SIGMAR1: variants seen among roughly 807,000 people sequenced by gnomAD.
SIGMAR1 encodes the protein sigma non-opioid intracellular receptor 1.
Under a neutral mutation model 25.4 loss-of-function variants are expected in SIGMAR1, and 18 were observed. The observed-to-expected ratio is 0.71, with a 90% CI of 0.49 to 1.05. The LOEUF is 1.05. SIGMAR1 is among the 50% of genes least tolerant of loss of function. The pLI is 0.00. For synonymous variants in SIGMAR1, 125 were observed against 131.6 expected, an observed-to-expected ratio of 0.95 and a Z score of 0.34; for missense variants, 249 against 301.6, an observed-to-expected ratio of 0.83 and a Z score of 1.29.
At position 34,635,701 on chromosome 9, in the gene SIGMAR1, A is replaced by G. The variant is rs572117630; in HGVS notation, c.603T>C (p.Tyr201=). ...GGCCCCGAGCATAGGAGCGAAGAGT[A>G]TAGAAGAGGGTGAGGAAGTCCTGGG... ...FSTQDFLTLF[Y]TLRSYARGLR... Residue 201 remains tyrosine, a synonymous_variant, in exon 4 of 4, where the codon TAT becomes TAC. Coordinates refer to ENST00000277010, the MANE Select transcript of SIGMAR1 (RefSeq NM_005866.4). This position sits in a 1 kb window ranked among gnomAD's most constrained non-coding sequence, Gnocchi z 4.5. 5.6e-6 allele frequency: 9 copies of G among 1,614,254 alleles called. No homozygotes were observed. Among genetic ancestry groups the G allele is most frequent in the Admixed American group, 3.3e-5 (2 of 60,032 alleles).
Position 34,637,268 on chromosome 9 carries a change from C to T in SIGMAR1, c.304G>A (p.Glu102Lys), listed in dbSNP as rs387906829. Residue 102 changes from glutamate to lysine, a missense_variant, in exon 2 of 4, where the codon GAG becomes AAG. By Grantham distance (56) the Glu-to-Lys change is moderately conservative. Transcript: ENST00000277010. ...GCGGTGCCGAAGAGCAGCACATACT[C>T]GGACAGCGAGGCGTGCAGAAGGCAC... ...AMCLLHASLSEYVLLFGTALG... is the reference protein window; with the variant it reads ...AMCLLHASLSKYVLLFGTALG... 6 of 1,572,168 alleles carry T rather than the reference C, an allele frequency of 3.8e-6. No individual in the cohort carries two copies. The highest frequency in any genetic ancestry group is 1.3e-5 in the African/African-American group (1 of 74,298).
chr9:34,637,642 G>C lies in SIGMAR1; in HGVS notation c.56C>G (p.Ala19Gly), dbSNP rs867197011. The C allele has an allele frequency of 6.5e-7, 1 of 1,538,008 alleles. No individual in the cohort carries two copies. The change falls in exon 1 of 4, where the codon GCA (alanine) becomes GGA (glycine). Residue 19 changes from alanine to glycine, a missense_variant. Ala to Gly is a moderately conservative substitution (Grantham distance 60). Transcript: ENST00000277010. ...WAWAALLLAVAAVLTQVVWLW... is the reference protein window; with the variant it reads ...WAWAALLLAVGAVLTQVVWLW... ...CCAGACGACCTGGGTCAGCACCGCT[G>C]CGACAGCCAGGAGCAGCGCGGCCCA... is the stretch of plus-strand genomic sequence containing the variant.
intron 1 of SIGMAR1, 41 bp downstream of exon 1, chr9:34,637,506 C>G: frequency 6.3e-7 from 1 of 1,580,404 alleles, no homozygotes; most frequent in Non-Finnish European, 8.6e-7. Context: ...AGGCTCCGCT[C>G]CCAGGCCGGC....
At position 34,637,573 on chromosome 9, in the gene SIGMAR1, A is replaced by G; in HGVS notation, c.125T>C (p.Ile42Thr). Residue 42 changes from isoleucine (I) to threonine (T), a missense_variant, in exon 1 of 4, where the codon ATA (isoleucine) becomes ACA (threonine). Coordinates refer to ENST00000277010, the MANE Select transcript of SIGMAR1 (RefSeq NM_005866.4). ...TQSFVFQREE[I>T]AQLARQYAGL... Reference sequence around the variant, plus strand: ...AGCGTACTGCCGCGCCAACTGCGCTATCTCTTCGCGCTGGAAGACGAAGCT... The same window carrying G: ...AGCGTACTGCCGCGCCAACTGCGCTGTCTCTTCGCGCTGGAAGACGAAGCT... 1 of 1,578,602 alleles carries G rather than the reference A, an allele frequency of 6.3e-7. No homozygotes were observed. The highest frequency in any genetic ancestry group is 8.6e-7 in the Non-Finnish European group (1 of 1,166,674).
Position 34,635,606 on chromosome 9 carries a change from G to C in SIGMAR1, c.*26C>G. The C allele has an allele frequency of 6.2e-7, 1 of 1,613,840 alleles. No individual in the cohort carries two copies. On this transcript the variant is annotated 3_prime_UTR_variant, in exon 4 of 4. Transcript: ENST00000277010. This position sits in a 1 kb window ranked among gnomAD's most constrained non-coding sequence, Gnocchi z 4.5. ...CGGGCCTGCCCGCTCCTGTCTATCC[G>C]CAGGTCTTCCTTCAGGCCTGGCTGG...
Position 34,635,952 on chromosome 9 carries a change from G to T in SIGMAR1, c.446-94C>A. 1 of 1,559,458 alleles carries T rather than the reference G, an allele frequency of 6.4e-7. No homozygotes were observed. ...GGCCCATGGACTAACTAGGGGTGGGGAATGGAGAGGGAGCTTCAGAAAAAC... is the reference window on the plus strand; with the variant it reads ...GGCCCATGGACTAACTAGGGGTGGGTAATGGAGAGGGAGCTTCAGAAAAAC... On this transcript the variant is annotated intron_variant, in intron 3 of 3. Coordinates refer to ENST00000277010, the MANE Select transcript of SIGMAR1 (RefSeq NM_005866.4). The surrounding 1 kb of genome is among the most constrained non-coding windows in gnomAD (Gnocchi z 4.5).
chr9:34,636,055 C>T (rs756152087), intron 3 of SIGMAR1, among the ~76,000 whole-genome samples, 197 bp from the exon 4 acceptor site: 5 of 152,182 alleles, frequency 3.3e-5, no homozygotes, highest in Non-Finnish European at 5.9e-5. Flanking sequence ...CACGTCCTCT[C>T]TTTGGAGAAG....
At chr9:34,636,584 G>A (rs1465654696) in intron 3 of SIGMAR1, among the ~76,000 whole-genome samples, 1 of 152,162 alleles carries the variant, frequency 6.6e-6, no homozygotes, top group African/African-American at 2.4e-5. Flanking sequence ...GCAGTGAGCC[G>A]AGATCGCGCC....
At chr9:34,637,180 C>T (rs1273377059) in intron 2 of SIGMAR1, 40 bp downstream of exon 2, 3 of 1,558,142 alleles carry the variant, frequency 1.9e-6, no homozygotes, top group Non-Finnish European at 2.6e-6. Flanking sequence ...GGCCCCTTTA[C>T]AACCCCAGCC....
intron 3 of SIGMAR1, chr9:34,636,682 T>G: frequency 2.1e-6 from 1 of 468,674 alleles, no homozygotes; most frequent in Non-Finnish European, 4.0e-6. Flanking sequence ...TCTTTTGGGG[T>G]ATTGAGAGCA....
Position 34,637,771 on chromosome 9 carries a change from G to T in SIGMAR1, c.-74C>A. On this transcript the variant is annotated 5_prime_UTR_variant, in exon 1 of 4. Transcript: ENST00000277010. ...GAGGCTTTGCGCTCACGGCCTCGGAGCCCGCCGGCTGCCCACGAAGCGCTC... is the reference window on the plus strand; with the variant it reads ...GAGGCTTTGCGCTCACGGCCTCGGATCCCGCCGGCTGCCCACGAAGCGCTC... 1 of 1,134,590 alleles carries T rather than the reference G, an allele frequency of 8.8e-7. No individual in the cohort carries two copies. Among genetic ancestry groups the T allele is most frequent in the Non-Finnish European group, 1.2e-6 (1 of 859,320 alleles). 70.3% of individuals were successfully genotyped at this position (1,134,590 alleles called of 1,614,324 possible).
Position 34,635,968 on chromosome 9 carries a change from T to A in SIGMAR1, c.446-110A>T. 6.6e-7 allele frequency: 1 copy of A among 1,505,866 alleles called. No individual in the cohort carries two copies. The highest frequency in any genetic ancestry group is 2.0e-5 in the Admixed American group (1 of 50,816). 93.3% of individuals were successfully genotyped at this position (1,505,866 alleles called of 1,614,324 possible). The stretch of plus-strand genomic sequence containing the variant: ...AGGGGTGGGGAATGGAGAGGGAGCT[T>A]CAGAAAAACAAAAAGCCCTACCTCA... On this transcript the variant is annotated intron_variant, in intron 3 of 3. Coordinates refer to ENST00000277010, the MANE Select transcript of SIGMAR1 (RefSeq NM_005866.4). This position sits in a 1 kb window ranked among gnomAD's most constrained non-coding sequence, Gnocchi z 4.5.
rs200076129 is a variant in SIGMAR1, at chr9:34,635,841, C to G, written c.463G>C (p.Gly155Arg). The G allele has an allele frequency of 6.2e-7, 1 of 1,613,920 alleles. No individual in the cohort carries two copies. Among genetic ancestry groups the G allele is most frequent in the Admixed American group, 1.7e-5 (1 of 60,012 alleles). ...TCCACAGCTGTTGCCTCACCAGGCCCGTGTACTACCGTCTCCCCTGGGGGA... is the reference window on the plus strand; with the variant it reads ...TCCACAGCTGTTGCCTCACCAGGCCGGTGTACTACCGTCTCCCCTGGGGGA... ...VFYPGETVVH[G>R]PGEATAVEWG... Residue 155 changes from glycine (G) to arginine (R), a missense_variant, in exon 4 of 4, where the codon GGG becomes CGG. Physicochemically the swap from Gly to Arg is moderately radical, Grantham distance 125. Transcript: ENST00000277010. This position sits in a 1 kb window ranked among gnomAD's most constrained non-coding sequence, Gnocchi z 4.5.
chr9:34,637,750 C>G lies in SIGMAR1; in HGVS notation c.-53G>C, dbSNP rs111496127. The stretch of plus-strand genomic sequence containing the variant: ...CTCAGGAGGGAGCCGGGGCCTGAGG[C>G]TTTGCGCTCACGGCCTCGGAGCCCG... On this transcript the variant is annotated 5_prime_UTR_variant, in exon 1 of 4. Coordinates refer to ENST00000277010, the MANE Select transcript of SIGMAR1 (RefSeq NM_005866.4). The G allele has an allele frequency of 4.6e-6, 6 of 1,311,226 alleles. No homozygotes were observed. Among genetic ancestry groups the G allele is most frequent in the African/African-American group, 1.6e-5 (1 of 63,892 alleles). 81.2% of individuals were successfully genotyped at this position (1,311,226 alleles called of 1,614,324 possible). A position where few individuals can be genotyped will look rare whatever the true frequency, so the allele number is the denominator to read the frequency against.
At position 34,635,733 on chromosome 9, in the gene SIGMAR1, A is replaced by G; in HGVS notation, c.571T>C (p.Phe191Leu). The change falls in exon 4 of 4, where the codon TTC becomes CTC. Residue 191 changes from phenylalanine (F) to leucine (L), a missense_variant. Physicochemically the swap from Phe to Leu is conservative, Grantham distance 22. Coordinates refer to ENST00000277010, the MANE Select transcript of SIGMAR1 (RefSeq NM_005866.4). This position sits in a 1 kb window ranked among gnomAD's most constrained non-coding sequence, Gnocchi z 4.5. Reference protein sequence around the residue: ...TLAFALADTVFSTQDFLTLFY... With the variant: ...TLAFALADTVLSTQDFLTLFY... ...AGGGTGAGGAAGTCCTGGGTGCTGA[A>G]GACAGTGTCGGCCAGCGCGAAGGCC... 6.2e-7 allele frequency: 1 copy of G among 1,614,250 alleles called. No individual in the cohort carries two copies. Among genetic ancestry groups the G allele is most frequent in the Non-Finnish European group, 8.5e-7 (1 of 1,180,044 alleles).
At position 34,637,617 on chromosome 9, in the gene SIGMAR1, C is replaced by A. The variant is rs1199979713; in HGVS notation, c.81G>T (p.Trp27Cys). The A allele has an allele frequency of 1.0e-5, 16 of 1,548,120 alleles. No homozygotes were observed. The highest frequency in any genetic ancestry group is 1.7e-4 in the Middle Eastern group (1 of 5,964). ...CGAAGCTCTGCGTACCCAGCCAGAG[C>A]CAGACGACCTGGGTCAGCACCGCTG... ...AVAAVLTQVVWLWLGTQSFVF... is the reference protein window; with the variant it reads ...AVAAVLTQVVCLWLGTQSFVF... The change falls in exon 1 of 4, where the codon TGG becomes TGT. Residue 27 changes from tryptophan (W) to cysteine (C), a missense_variant. Transcript: ENST00000277010.
At position 34,637,227 on chromosome 9, in the gene SIGMAR1, G is replaced by A; in HGVS notation, c.345C>T (p.Gly115=). Residue 115 remains glycine, a synonymous_variant, in exon 2 of 4, where the codon GGC becomes GGT. Coordinates refer to ENST00000277010, the MANE Select transcript of SIGMAR1 (RefSeq NM_005866.4). ...CCCGCCGCTAGCACTGACCCGAGTG[G>A]CCGCGGGAGCCCAAGGCGGTGCCGA... ...LLFGTALGSR[G]HSGRYWAEIS... is the part of the protein sequence containing the mutation. 3.8e-6 allele frequency: 6 copies of A among 1,558,568 alleles called. No homozygotes were observed. The highest frequency in any genetic ancestry group is 5.2e-6 in the Non-Finnish European group (6 of 1,156,370).
In SIGMAR1 at chr9:34,635,506, C is replaced by T; in HGVS notation, c.*126G>A. On this transcript the variant is annotated 3_prime_UTR_variant, in exon 4 of 4. Transcript: ENST00000277010. This position sits in a 1 kb window ranked among gnomAD's most constrained non-coding sequence, Gnocchi z 4.5. Reference sequence around the variant, plus strand: ...ATACATAAGCATGGATATCCCTGCTCATACAGCAGGAACTCAGGATCTGCA... The same window carrying T: ...ATACATAAGCATGGATATCCCTGCTTATACAGCAGGAACTCAGGATCTGCA... The T allele has an allele frequency of 4.3e-6, 6 of 1,387,970 alleles. No homozygotes were observed. In the South Asian group the frequency reaches 7.5e-5, roughly 17 times the overall value. 86.0% of individuals were successfully genotyped at this position (1,387,970 alleles called of 1,614,324 possible).
chr9:34,637,379 G>A lies in SIGMAR1; in HGVS notation c.193C>T (p.Leu65=). The part of the protein sequence containing the change: ...ELAFSRLIVE[L]RRLHPGHVLP... The stretch of plus-strand genomic sequence containing the variant: ...ACGTGGCCTGGGTGCAGCCGCCGCA[G>A]CTCCACGATCAGACGAGAGAAGGCC... Residue 65 remains leucine (L), a synonymous_variant, in exon 2 of 4, where the codon CTG becomes TTG. Transcript: ENST00000277010. 3 of 1,605,986 alleles carry A rather than the reference G, an allele frequency of 1.9e-6. No individual in the cohort carries two copies. The highest frequency in any genetic ancestry group is 2.5e-6 in the Non-Finnish European group (3 of 1,179,618).
Sources: allele counts gnomAD v4.1 joint callset (sites outside exome capture counted in the v4.1 genomes callset), GRCh38; gene constraint gnomAD v4.1.1; non-coding constraint Gnocchi (gnomAD v3.1); transcripts MANE v1.5; gene names NCBI Gene and HGNC (gene_info 2026-07-23, HGNC 2026-07-21).